ARID3B: variants seen among roughly 807,000 people sequenced by gnomAD.
ARID3B encodes AT-rich interactive domain-containing protein 3B.
A neutral mutation model predicts 51.9 loss-of-function variants in ARID3B; 10 were observed. The observed-to-expected ratio is 0.19, with a 90% CI of 0.12 to 0.33. The LOEUF is 0.33. Ranked by LOEUF, ARID3B falls within the 10% of genes least tolerant of loss-of-function variation. ARID3B has a pLI of 1.00. For missense variants in ARID3B, 483 were observed against 716.3 expected, an observed-to-expected ratio of 0.67 and a Z score of 3.72; for synonymous variants, 205 against 279.5, an observed-to-expected ratio of 0.73 and a Z score of 2.66.
chr15:74,597,194 T>C lies in ARID3B; in HGVS notation c.*1420T>C, dbSNP rs1380516399. The C allele has an allele frequency of 1.4e-4, 43 of 303,696 alleles. No individual in the cohort carries two copies. Among genetic ancestry groups the C allele is most frequent in the Non-Finnish European group, 2.4e-4 (39 of 160,362 alleles). The allele number at this position is 303,696 out of a possible 1,614,324, so 18.8% of individuals were successfully genotyped here. ...ATGAGGAGATGAATAACTCCACAGC[T>C]CCTCCTGGACCCTGCGCGGGAGCAG... On this transcript the variant is annotated 3_prime_UTR_variant, in exon 9 of 9. Coordinates refer to ENST00000346246, the MANE Select transcript of ARID3B (RefSeq NM_006465.4).
At chr15:74,565,829 G>A (rs2061696146) in intron 2 of ARID3B, among the ~76,000 whole-genome samples, 1 of 151,098 alleles carries the variant, frequency 6.6e-6, no homozygotes, top group Non-Finnish European at 1.5e-5. Context: ...TCTTCTCATT[G>A]GAAGATTGGC....
At chr15:74,550,503 T>A (rs1174747753) in intron 2 of ARID3B, among the ~76,000 whole-genome samples, 1 of 150,626 alleles carries the variant, frequency 6.6e-6, no homozygotes, top group African/African-American at 2.4e-5. Flanking sequence ...CCATCTTGAC[T>A]AACACAGTGA....
intron 4 of ARID3B, among the ~76,000 whole-genome samples, chr15:74,579,492 A>G (rs1322626986): frequency 6.6e-6 from 1 of 152,160 alleles, no homozygotes; most frequent in African/African-American, 2.4e-5. Context: ...AGAGGGTTCA[A>G]TTAGTGTCAT....
At chr15:74,587,923 T>C (rs1169319028) in intron 4 of ARID3B, among the ~76,000 whole-genome samples, 3 of 152,080 alleles carry the variant, frequency 2.0e-5, no homozygotes, top group Non-Finnish European at 4.4e-5. Flanking sequence ...GTCTTCAAGG[T>C]CACTAACCCC....
chr15:74,588,831 C>T (rs2061791510), intron 4 of ARID3B, among the ~76,000 whole-genome samples: 1 of 151,806 alleles, frequency 6.6e-6, no homozygotes, highest in South Asian at 2.1e-4. Context: ...CTGCTCTGAC[C>T]CTCCCCCTTT....
chr15:74,594,556 G>T (rs1179144455), intron 8 of ARID3B, among the ~76,000 whole-genome samples: 1 of 152,252 alleles, frequency 6.6e-6, no homozygotes, highest in Non-Finnish European at 1.5e-5. Context: ...AGCCAGCCTG[G>T]CAAGGTGTCT....
intron 2 of ARID3B, among the ~76,000 whole-genome samples, chr15:74,545,864 T>C (rs1037270818): frequency 6.6e-6 from 1 of 152,218 alleles, no homozygotes; most frequent in Non-Finnish European, 1.5e-5. Flanking sequence ...GATCTTTTAG[T>C]AGGGCTCTGA....
intron 2 of ARID3B, among the ~76,000 whole-genome samples, chr15:74,558,576 A>G (rs993622197): frequency 2.9e-4 from 44 of 152,178 alleles, no homozygotes; most frequent in African/African-American, 1.0e-3. Flanking sequence ...AAAGAATAGT[A>G]ATGAACCATC....
chr15:74,559,046 T>G (rs1415337585), intron 2 of ARID3B, among the ~76,000 whole-genome samples: 4 of 152,114 alleles, frequency 2.6e-5, no homozygotes, highest in Non-Finnish European at 5.9e-5. Flanking sequence ...GGCCATGTAG[T>G]CTCTCATGGC....
chr15:74,581,640 TC>T (rs1397265241), intron 4 of ARID3B, among the ~76,000 whole-genome samples: 1 of 152,124 alleles, frequency 6.6e-6, no homozygotes, highest in Non-Finnish European at 1.5e-5. Context: ...TACTGGTTTT[TC>T]CCCCATTTTT....
At chr15:74,555,394 A>G (rs1036145513) in intron 2 of ARID3B, among the ~76,000 whole-genome samples, 6 of 152,094 alleles carry the variant, frequency 3.9e-5, no homozygotes, top group African/African-American at 1.2e-4. Context: ...CAGTGACGCA[A>G]TCACAGCTCA....
chr15:74,564,623 C>T (rs1465119183), intron 2 of ARID3B, among the ~76,000 whole-genome samples: 3 of 152,144 alleles, frequency 2.0e-5, no homozygotes, highest in African/African-American at 7.2e-5. Context: ...CTTTTTGAGA[C>T]AGGGTATCAC....
Position 74,598,074 on chromosome 15 carries a change from T to C in ARID3B, c.*2300T>C. ...AAGTGTCTATATGTTGTGGTTATTT[T>C]CTATCTTACATGTTCTCGAATGTTT... On this transcript the variant is annotated 3_prime_UTR_variant, in exon 9 of 9. Transcript: ENST00000346246. 1.9e-6 allele frequency: 1 copy of C among 522,290 alleles called. No homozygotes were observed. Among genetic ancestry groups the C allele is most frequent in the Admixed American group, 2.3e-5 (1 of 44,328 alleles). 32.4% of individuals were successfully genotyped at this position (522,290 alleles called of 1,614,324 possible). A position where few individuals can be genotyped will look rare whatever the true frequency, so the allele number is the denominator to read the frequency against.
chr15:74,569,970 C>T (rs2061713262), intron 2 of ARID3B, among the ~76,000 whole-genome samples: 1 of 152,216 alleles, frequency 6.6e-6, no homozygotes, highest in South Asian at 2.1e-4. Context: ...ATTTTCCCCA[C>T]ATTTTCTTTA....
intron 2 of ARID3B, among the ~76,000 whole-genome samples, chr15:74,572,027 T>C (rs570064504): frequency 6.6e-6 from 1 of 152,176 alleles, no homozygotes; most frequent in East Asian, 1.9e-4. Context: ...GAGAATCACT[T>C]GAACCTGGGA....
chr15:74,563,450 A>T (rs923873843), intron 2 of ARID3B, among the ~76,000 whole-genome samples: 1 of 152,226 alleles, frequency 6.6e-6, no homozygotes, highest in African/African-American at 2.4e-5. Context: ...AGTAATTTTT[A>T]AAAATGTTGT....
chr15:74,544,221 C>T lies in ARID3B; in HGVS notation c.285C>T (p.Asp95=), dbSNP rs201654614. The T allele has an allele frequency of 4.8e-5, 78 of 1,613,966 alleles. No individual in the cohort carries two copies. Among genetic ancestry groups the T allele is most frequent in the Middle Eastern group, 1.7e-4 (1 of 6,056 alleles). The change falls in exon 2 of 9, where the codon GAC becomes GAT. Residue 95 remains aspartate (D), a synonymous_variant. Transcript: ENST00000346246. The part of the protein sequence containing the change: ...GNMNSEPEEE[D]GGLEDEDGDD... ...TGAACTCAGAGCCTGAGGAAGAGGA[C>T]GGAGGTTTGGAAGATGAGGATGGGG...
chr15:74,578,171 T>C (rs1567123588), intron 4 of ARID3B, among the ~76,000 whole-genome samples: 1 of 2,134 alleles, frequency 4.7e-4, no homozygotes, highest in Non-Finnish European at 4.6e-3. Flanking sequence ...TTTTTTTTGT[T>C]TTTTTTTGTT....
intron 2 of ARID3B, among the ~76,000 whole-genome samples, chr15:74,557,189 C>T (rs999706836): frequency 2.3e-4 from 35 of 151,446 alleles, no homozygotes; most frequent in Admixed American, 2.0e-3. Flanking sequence ...CCAACGCAGG[C>T]GGATTGCTTG....
Sources: gnomAD v4.1 joint callset for allele counts (sites outside exome capture counted in the v4.1 genomes callset) on GRCh38, gnomAD v4.1.1 for gene constraint, MANE v1.5 for transcripts, NCBI Gene and HGNC (gene_info 2026-07-23, HGNC 2026-07-21) for gene names.